The following CSPP1 variants were observed in gnomAD, a reference collection of about 807,000 sequenced individuals.
The protein encoded by CSPP1 is centrosome and spindle pole-associated protein 1.
In CSPP1, 126 loss-of-function variants were observed where a neutral mutation model predicts 164.4. The ratio of observed to expected loss-of-function variants is 0.77; its 90% confidence interval spans 0.66 to 0.89. The LOEUF (loss-of-function observed/expected upper bound fraction) is 0.89. Among genes scored for constraint, CSPP1 ranks in the 40% least tolerant of loss-of-function variants. CSPP1 has a pLI of 0.00. For synonymous variants in CSPP1, 472 were observed against 476.7 expected, an observed-to-expected ratio of 0.99 and a Z score of 0.13; for missense variants, 1,395 against 1,449.8, an observed-to-expected ratio of 0.96 and a Z score of 0.61.
chr8:67,066,077 C>T (rs763723076), intron 1 of CSPP1, among the ~76,000 whole-genome samples: 1 of 152,076 alleles, frequency 6.6e-6, no homozygotes, highest in Non-Finnish European at 1.5e-5. Context: ...TTGGCATAAC[C>T]CAAAGGCTAA....
At chr8:67,162,899 C>A (rs995498605) in intron 22 of CSPP1, among the ~76,000 whole-genome samples, 1 of 152,136 alleles carries the variant, frequency 6.6e-6, no homozygotes, top group South Asian at 2.1e-4. Flanking sequence ...TGAATTGTGG[C>A]AGCAGAATGA....
rs1398251083 is a variant in CSPP1, at chr8:67,195,693, CT to C, written c.*107del. 14 of 892,756 alleles carry C rather than the reference CT, an allele frequency of 1.6e-5. No homozygotes were observed. Among genetic ancestry groups the C allele is most frequent in the Admixed American group, 2.6e-5 (1 of 38,632 alleles). The allele number at this position is 892,756 out of a possible 1,614,324, so 55.3% of individuals were successfully genotyped here. A position where few individuals can be genotyped will look rare whatever the true frequency, so the allele number is the denominator to read the frequency against. On this transcript the variant is annotated 3_prime_UTR_variant, in exon 31 of 31. Transcript: ENST00000678616. ...ACTTTTGGCCCCTACCTGAAAGTTACTTTTTTTCCATCATCTGTATATAAAA... is the reference window on the plus strand; with the variant it reads ...ACTTTTGGCCCCTACCTGAAAGTTACTTTTTTCCATCATCTGTATATAAAA...
At chr8:67,187,015 AATCT>A (rs1554622826) in intron 28 of CSPP1, among the ~76,000 whole-genome samples, 10 of 143,090 alleles carry the variant, frequency 7.0e-5, no homozygotes, top group East Asian at 6.4e-4. Flanking sequence ...CTATCTATCT[AATCT>A]ATCTATCTAG....
At chr8:67,166,993 T>C (rs531867795) in intron 24 of CSPP1, among the ~76,000 whole-genome samples, 66 of 152,280 alleles carry the variant, frequency 4.3e-4, no homozygotes, top group Admixed American at 1.3e-3. Context: ...TTAATCCATT[T>C]AACCCTGAGT....
chr8:67,081,725 A>G (rs1005967164), intron 3 of CSPP1, among the ~76,000 whole-genome samples: 1 of 152,356 alleles, frequency 6.6e-6, no homozygotes, highest in East Asian at 1.9e-4. Flanking sequence ...TCAAGGTCTT[A>G]AAACATGTAG....
At chr8:67,084,333 A>G (rs1170158053) in intron 3 of CSPP1, 1 of 152,196 alleles carries the variant, frequency 6.6e-6, no homozygotes, top group Admixed American at 6.5e-5. Flanking sequence ...TCCAGTGTTG[A>G]TAGCGGTAAG....
intron 18 of CSPP1, among the ~76,000 whole-genome samples, chr8:67,153,027 G>C (rs529206789): frequency 6.6e-6 from 1 of 151,874 alleles, no homozygotes; most frequent in Non-Finnish European, 1.5e-5. Flanking sequence ...ACGAAATCCC[G>C]TCTCAACTAA....
chr8:67,175,521 C>T (rs1831393134), intron 26 of CSPP1, 85 bp downstream of exon 26: 1 of 1,491,634 alleles, frequency 6.7e-7, no homozygotes, highest in Non-Finnish European at 9.3e-7. Context: ...TGATTTCATT[C>T]CCAGGCATCC....
chr8:67,091,845 G>T lies in CSPP1; in HGVS notation c.346G>T (p.Gly116Ter), dbSNP rs376796291. Reference sequence around the variant, plus strand: ...GAGTGAAACAGATCCATCTACTTTGGGAGTTTCTCTTCCTATTGGTGAGAG... The same window carrying T: ...GAGTGAAACAGATCCATCTACTTTGTGAGTTTCTCTTCCTATTGGTGAGAG... ...STSETDPSTLGVSLPIGERLS... is the reference protein window; with the variant it reads ...STSETDPSTL Residue 116 changes from glycine (G) to a stop codon, truncating the protein, a stop_gained, in exon 5 of 31, where the codon GGA (glycine) becomes TGA (stop). Coordinates refer to ENST00000678616, the MANE Select transcript of CSPP1 (RefSeq NM_001382391.1). LOFTEE classifies it high-confidence loss of function. The T allele has an allele frequency of 1.1e-5, 15 of 1,350,160 alleles. No individual in the cohort carries two copies. The highest frequency in any genetic ancestry group is 1.5e-5 in the Non-Finnish European group (15 of 1,012,706). 83.6% of individuals were successfully genotyped at this position (1,350,160 alleles called of 1,614,324 possible).
chr8:67,190,610 G>A, intron 28 of CSPP1, 40 bp from the exon 29 acceptor site: 1 of 1,443,294 alleles, frequency 6.9e-7, no homozygotes, highest in Non-Finnish European at 9.8e-7. Flanking sequence ...AAGATTTGAA[G>A]CAGTATTAAG....
chr8:67,161,245 A>G (rs1563718812), intron 21 of CSPP1, among the ~76,000 whole-genome samples: 1 of 152,178 alleles, frequency 6.6e-6, no homozygotes, highest in Non-Finnish European at 1.5e-5. Context: ...TGTTATGTGT[A>G]CTATGGCTTG....
intron 17 of CSPP1, among the ~76,000 whole-genome samples, chr8:67,144,010 C>G (rs1378792116): frequency 6.6e-6 from 1 of 152,174 alleles, no homozygotes; most frequent in African/African-American, 2.4e-5. Context: ...ACATCCTTGT[C>G]TTGTCTCTGA....
At chr8:67,173,932 A>G (rs1831006359) in intron 25 of CSPP1, 1 of 152,174 alleles carries the variant, frequency 6.6e-6, no homozygotes, top group Non-Finnish European at 1.5e-5. Context: ...ATGACATGTA[A>G]TGATTTCATC....
intron 29 of CSPP1, among the ~76,000 whole-genome samples, chr8:67,192,159 GCCCCAGTGGGGTTCA>G (rs899912325): frequency 2.0e-5 from 3 of 149,388 alleles, no homozygotes; most frequent in African/African-American, 7.4e-5. Flanking sequence ...TGCACCCTCT[GCCCCAGTGGGGTTCA>G]AGGGATTCTC....
At chr8:67,095,246 T>C (rs900076601) in intron 6 of CSPP1, 47 bp from the exon 7 acceptor site, 1 of 1,225,442 alleles carries the variant, frequency 8.2e-7, no homozygotes, top group Non-Finnish European at 1.1e-6. Context: ...TTATAAGAGA[T>C]AGTTTCTTGT....
chr8:67,091,954 C>A, intron 5 of CSPP1, 71 bp downstream of exon 5: 2 of 428,600 alleles, frequency 4.7e-6, no homozygotes, highest in African/African-American at 2.2e-5. Context: ...GAACATACTG[C>A]TGATTTAAAT....
At chr8:67,177,841 G>T (rs571627201) in intron 27 of CSPP1, 115 bp downstream of exon 27, 5 of 788,168 alleles carry the variant, frequency 6.3e-6, no homozygotes, top group Non-Finnish European at 1.1e-5. Flanking sequence ...AATTAAGAAC[G>T]TAAGTCTTAT....
chr8:67,179,099 AT>A (rs1210950745), intron 27 of CSPP1, among the ~76,000 whole-genome samples: 1 of 152,196 alleles, frequency 6.6e-6, no homozygotes, highest in Non-Finnish European at 1.5e-5. Flanking sequence ...AGCCCAGATT[AT>A]CTGGTAAGAA....
chr8:67,074,605 C>T (rs1191157549), intron 2 of CSPP1, among the ~76,000 whole-genome samples: 2 of 152,102 alleles, frequency 1.3e-5, no homozygotes, highest in East Asian at 3.9e-4. Context: ...ATTATGAGAC[C>T]AGTTCTATTA....
Sources: gnomAD v4.1 joint callset for allele counts (sites outside exome capture counted in the v4.1 genomes callset) on GRCh38, gnomAD v4.1.1 for gene constraint, MANE v1.5 for transcripts, NCBI Gene and HGNC (gene_info 2026-07-23, HGNC 2026-07-21) for gene names.